TNIP3: variants seen among roughly 807,000 people sequenced by gnomAD.
TNIP3 encodes the protein TNFAIP3-interacting protein 3.
TNIP3 carries 34 observed loss-of-function variants against 54.1 expected under a neutral mutation model. That is an observed-to-expected ratio of 0.63 (90% CI 0.48 to 0.84). The LOEUF is 0.84. TNIP3 is among the 40% of genes least tolerant of loss of function. The pLI, the probability that TNIP3 is intolerant of heterozygous loss-of-function variation, is 0.00. For missense variants in TNIP3, 366 were observed against 387.6 expected, an observed-to-expected ratio of 0.94 and a Z score of 0.47; for synonymous variants, 134 against 136.8, an observed-to-expected ratio of 0.98 and a Z score of 0.14.
At chr4:121,214,715 T>A (rs551347460) in intron 2 of TNIP3, among the ~76,000 whole-genome samples, 43 of 152,336 alleles carry the variant, frequency 2.8e-4, no homozygotes, top group African/African-American at 1.0e-3. Flanking sequence ...TCACATCATA[T>A]ATTTTTTGCT....
intron 2 of TNIP3, among the ~76,000 whole-genome samples, chr4:121,206,052 TG>T (rs1726172010): frequency 1.3e-5 from 2 of 152,100 alleles, no homozygotes; most frequent in African/African-American, 4.8e-5. Context: ...GAGAACAGCA[TG>T]GGGGTAACTA....
At chr4:121,218,938 G>A (rs771800649), upstream of TNIP3, among the ~76,000 whole-genome samples, 16 of 152,268 alleles carry the variant, frequency 1.1e-4, no homozygotes, top group East Asian at 1.9e-4. Flanking sequence ...GGTGGCTCAC[G>A]CCTGTAATCC....
intron 5 of TNIP3, among the ~76,000 whole-genome samples, chr4:121,152,826 C>A (rs1484637708): frequency 1.3e-5 from 2 of 152,076 alleles, no homozygotes; most frequent in African/African-American, 4.8e-5. Context: ...TAAACATAAA[C>A]ATACTTATGG....
chr4:121,221,623 A>G (rs1176744508), upstream of TNIP3, among the ~76,000 whole-genome samples: 1 of 152,184 alleles, frequency 6.6e-6, no homozygotes, highest in Non-Finnish European at 1.5e-5. Context: ...TGTGGAAGAA[A>G]TTGGAGGAGA....
At chr4:121,167,907 A>C (rs1458703279), upstream of TNIP3, among the ~76,000 whole-genome samples, 2 of 152,106 alleles carry the variant, frequency 1.3e-5, no homozygotes, top group Non-Finnish European at 2.9e-5. Flanking sequence ...GCTTGTATGC[A>C]TAATAGTTAC....
At chr4:121,193,544 T>C (rs2148834443) in intron 2 of TNIP3, among the ~76,000 whole-genome samples, 1 of 152,276 alleles carries the variant, frequency 6.6e-6, no homozygotes, top group South Asian at 2.1e-4. Flanking sequence ...TAGAAAATCA[T>C]TATTTGACAG....
At chr4:121,177,629 T>C (rs527555319) in intron 3 of TNIP3, among the ~76,000 whole-genome samples, 2 of 152,342 alleles carry the variant, frequency 1.3e-5, no homozygotes, top group Admixed American at 1.3e-4. Flanking sequence ...TCTACCTTAT[T>C]GTTCTTAGGC....
chr4:121,216,432 T>C (rs1357618926), exon 2 of TNIP3: 4 of 1,535,688 alleles, frequency 2.6e-6, no homozygotes, highest in Non-Finnish European at 3.5e-6. Context: ...AATCTTCAGA[T>C]TGATTGGTGA....
chr4:121,225,678 A>C (rs1727226727), intron 1 of TNIP3, among the ~76,000 whole-genome samples: 2 of 152,236 alleles, frequency 1.3e-5, no homozygotes, highest in Non-Finnish European at 2.9e-5. Context: ...AAAAGTTAAC[A>C]AAGTGAGGTC....
intron 3 of TNIP3, among the ~76,000 whole-genome samples, chr4:121,176,910 T>C (rs986242491): frequency 6.6e-6 from 1 of 152,196 alleles, no homozygotes; most frequent in Non-Finnish European, 1.5e-5. Context: ...AGTTCCTCCC[T>C]TAACTTGTAT....
At position 121,131,645 on chromosome 4, in the gene TNIP3, A is replaced by AG. The variant is rs1477134679; in HGVS notation, c.*985dup. 3 of 108,158 alleles carry AG rather than the reference A, an allele frequency of 2.8e-5. No homozygotes were observed. Among genetic ancestry groups the AG allele is most frequent in the African/African-American group, 1.1e-4 (3 of 26,302 alleles). 6.7% of individuals were successfully genotyped at this position (108,158 alleles called of 1,614,324 possible). A position where few individuals can be genotyped will look rare whatever the true frequency, so the allele number is the denominator to read the frequency against. On this transcript the variant is annotated 3_prime_UTR_variant, in exon 11 of 11. Coordinates refer to ENST00000057513, the MANE Select transcript of TNIP3 (RefSeq NM_024873.6). ...TTTTGGTGGTGTGGAGTGGGTGGGT[A>AG]GGGGGCACTGAGTCTTGCTCACTCT...
intron 5 of TNIP3, among the ~76,000 whole-genome samples, chr4:121,150,498 A>T (rs1008642255): frequency 2.0e-5 from 3 of 152,178 alleles, no homozygotes; most frequent in Non-Finnish European, 4.4e-5. Flanking sequence ...GCCAACTATG[A>T]AAACAAAATC....
At chr4:121,186,681 T>C (rs1391351645) in intron 2 of TNIP3, among the ~76,000 whole-genome samples, 1 of 152,178 alleles carries the variant, frequency 6.6e-6, no homozygotes, top group East Asian at 1.9e-4. Context: ...TGCTCAGTGA[T>C]CGATACTATT....
intron 2 of TNIP3, among the ~76,000 whole-genome samples, chr4:121,194,663 T>C (rs1371875993): frequency 6.6e-6 from 1 of 152,158 alleles, no homozygotes; most frequent in East Asian, 1.9e-4. Flanking sequence ...AAAGTTCAAA[T>C]AGTAAAAAAC....
chr4:121,224,534 G>A (rs1056081176), intron 1 of TNIP3, among the ~76,000 whole-genome samples: 1 of 151,938 alleles, frequency 6.6e-6, no homozygotes, highest in African/African-American at 2.4e-5. Flanking sequence ...TATGTTTTTT[G>A]ATATTTTTAT....
chr4:121,136,494 G>A (rs1189649666), intron 10 of TNIP3: 1 of 152,104 alleles, frequency 6.6e-6, no homozygotes, highest in Non-Finnish European at 1.5e-5. Flanking sequence ...TTCCTCATGT[G>A]TTAAATAGTG....
chr4:121,150,360 T>A, intron 5 of TNIP3, 141 bp from the exon 6 acceptor site: 1 of 476,308 alleles, frequency 2.1e-6, no homozygotes, highest in Non-Finnish European at 3.8e-6. Context: ...AGTAACTTTC[T>A]TCTTTCTGAT....
chr4:121,132,714 C>T (rs1329658403), intron 10 of TNIP3, 52 bp from the exon 11 acceptor site: 2 of 1,511,786 alleles, frequency 1.3e-6, no homozygotes, highest in African/African-American at 2.8e-5. Context: ...CATTTCATTT[C>T]TCTTCTTCTG....
intron 2 of TNIP3, among the ~76,000 whole-genome samples, chr4:121,197,829 A>G (rs576229417): frequency 6.6e-6 from 1 of 152,322 alleles, no homozygotes; most frequent in Non-Finnish European, 1.5e-5. Flanking sequence ...AGAGCCGTAT[A>G]AGAAAGTCAA....
Sources: allele counts gnomAD v4.1 joint callset (sites outside exome capture counted in the v4.1 genomes callset), GRCh38; gene constraint gnomAD v4.1.1; transcripts MANE v1.5; gene names NCBI Gene and HGNC (gene_info 2026-07-23, HGNC 2026-07-21).